Variants in SUPT3H observed in about 807,000 individuals in gnomAD.
SUPT3H encodes transcription initiation protein SPT3 homolog.
In SUPT3H, 44 loss-of-function variants were observed where a neutral mutation model predicts 44.3. The observed-to-expected ratio is 0.99, with a 90% CI of 0.78 to 1.28. The LOEUF (loss-of-function observed/expected upper bound fraction) is 1.28, where lower values mean the gene tolerates loss of function less well. SUPT3H is among the 50% of genes most tolerant of loss of function. SUPT3H has a pLI of 0.00. For missense variants in SUPT3H, 380 were observed against 387.1 expected (o/e 0.98, Z 0.15); for synonymous variants, 124 against 125.6 (o/e 0.99, Z 0.09).
intron 10 of SUPT3H, among the ~76,000 whole-genome samples, chr6:44,860,879 T>C (rs1774538139): frequency 6.6e-6 from 1 of 152,210 alleles, no homozygotes; most frequent in Admixed American, 6.5e-5. Context: ...TTGGGTGATA[T>C]ATATTTTTTT....
intron 2 of SUPT3H, among the ~76,000 whole-genome samples, chr6:45,256,910 T>C (rs1773505182): frequency 1.3e-5 from 2 of 152,208 alleles, no homozygotes; most frequent in East Asian, 1.9e-4. Context: ...CAAGTACAAG[T>C]TTCTGTGCTG....
chr6:44,999,470 C>T (rs1468727183), intron 6 of SUPT3H, among the ~76,000 whole-genome samples: 2 of 151,880 alleles, frequency 1.3e-5, no homozygotes, highest in African/African-American at 4.8e-5. Flanking sequence ...ATATGTACAG[C>T]CATTACATAT....
Position 45,092,613 on chromosome 6 carries a change from G to A in SUPT3H, c.186+13309C>T, listed in dbSNP as rs574718208. ...AAAAATACAAAAACTAGCCAGGCGT[G>A]GTGGCAGGCACCTGTAATCCCAGCT... On this transcript the variant is annotated intron_variant, in intron 3 of 10. Coordinates refer to ENST00000371459, the MANE Select transcript of SUPT3H (RefSeq NM_003599.4). Among the ~76,000 whole-genome samples the A allele has an allele frequency of 3.9e-5, 6 of 152,108 alleles. No individual in the cohort carries two copies. The South Asian group carries it at 1.0e-3, about 26-fold the overall frequency.
At chr6:44,945,317 C>T (rs1287443601) in intron 9 of SUPT3H, among the ~76,000 whole-genome samples, 1 of 152,078 alleles carries the variant, frequency 6.6e-6, no homozygotes, top group East Asian at 1.9e-4. Flanking sequence ...ACAATGGCCC[C>T]TAAGTATTTC....
chr6:44,898,768 C>T (rs965020167), intron 10 of SUPT3H: 19 of 152,254 alleles, frequency 1.2e-4, no homozygotes, highest in Admixed American at 9.8e-4. Flanking sequence ...CAGGAGCAGC[C>T]GGCTCACGCC....
At chr6:45,166,322 C>T (rs1809837607) in intron 2 of SUPT3H, among the ~76,000 whole-genome samples, 1 of 152,028 alleles carries the variant, frequency 6.6e-6, no homozygotes, top group South Asian at 2.1e-4. Context: ...GGTGCGATGG[C>T]TCACACCTGT....
chr6:44,898,355 T>A (rs141128906), intron 10 of SUPT3H, among the ~76,000 whole-genome samples: 22 of 152,306 alleles, frequency 1.4e-4, no homozygotes, highest in African/African-American at 5.1e-4. Flanking sequence ...GTCTCCTGGA[T>A]TGCTTGCTCT....
At chr6:44,972,471 TTGAG>T (rs1373493474) in intron 6 of SUPT3H, among the ~76,000 whole-genome samples, 1 of 152,134 alleles carries the variant, frequency 6.6e-6, no homozygotes, top group African/African-American at 2.4e-5. Context: ...TGGGCTGGTG[TTGAG>T]TATCTGCGGC....
chr6:44,901,209 A>G (rs9968978), intron 10 of SUPT3H, among the ~76,000 whole-genome samples: 71 of 152,376 alleles, frequency 4.7e-4, no homozygotes, highest in African/African-American at 1.7e-3. Context: ...AAGGCTTCAG[A>G]CAATCAAACT....
At chr6:45,146,971 A>G (rs1348878430) in intron 2 of SUPT3H, among the ~76,000 whole-genome samples, 1 of 152,150 alleles carries the variant, frequency 6.6e-6, no homozygotes, top group Non-Finnish European at 1.5e-5. Flanking sequence ...TGAGAACAAC[A>G]AGAATAGGTA....
intron 3 of SUPT3H, among the ~76,000 whole-genome samples, chr6:45,094,078 C>G (rs1797482554): frequency 6.6e-6 from 1 of 152,088 alleles, no homozygotes; most frequent in South Asian, 2.1e-4. Context: ...TTAAGACATG[C>G]AATTCAATCT....
At chr6:45,221,400 T>C (rs912059471) in intron 2 of SUPT3H, among the ~76,000 whole-genome samples, 21 of 152,092 alleles carry the variant, frequency 1.4e-4, no homozygotes, top group Non-Finnish European at 2.6e-4. Flanking sequence ...GTGAAATAGT[T>C]ACAGGATACA....
intron 6 of SUPT3H, among the ~76,000 whole-genome samples, chr6:44,968,495 T>G (rs921718480): frequency 3.3e-5 from 5 of 152,050 alleles, no homozygotes; most frequent in African/African-American, 1.2e-4. Flanking sequence ...CCCCAGTGAG[T>G]GCTCATTCTG....
chr6:45,000,498 T>C (rs1391430221), intron 6 of SUPT3H, among the ~76,000 whole-genome samples: 2 of 151,982 alleles, frequency 1.3e-5, no homozygotes, highest in Non-Finnish European at 2.9e-5. Context: ...GGACTCAAAA[T>C]CTCCAGGCAT....
At chr6:45,297,359 C>T (rs888922206) in intron 2 of SUPT3H, among the ~76,000 whole-genome samples, 1 of 152,196 alleles carries the variant, frequency 6.6e-6, no homozygotes, top group Non-Finnish European at 1.5e-5. Flanking sequence ...AGTACTGTCT[C>T]ATAGGCATAA....
chr6:45,093,382 G>A (rs190491463), intron 3 of SUPT3H, among the ~76,000 whole-genome samples: 2 of 152,056 alleles, frequency 1.3e-5, no homozygotes, highest in African/African-American at 4.8e-5. Flanking sequence ...CTCACACATA[G>A]TAGATGTTTA....
At chr6:45,205,796 C>CA (rs1156853416) in intron 2 of SUPT3H, among the ~76,000 whole-genome samples, 16 of 138,828 alleles carry the variant, frequency 1.2e-4, no homozygotes, top group Admixed American at 2.1e-4. Context: ...GACTCTGTCT[C>CA]AAAAAAAACA....
intron 9 of SUPT3H, among the ~76,000 whole-genome samples, chr6:44,935,734 T>C (rs1771295614): frequency 6.6e-6 from 1 of 152,208 alleles, no homozygotes; most frequent in African/African-American, 2.4e-5. Flanking sequence ...TTCTACATAT[T>C]TTCCGGATTT....
At chr6:45,230,569 A>ATCCCTTCCG (rs1322270404) in intron 2 of SUPT3H, among the ~76,000 whole-genome samples, 5 of 145,988 alleles carry the variant, frequency 3.4e-5, no homozygotes, top group African/African-American at 1.3e-4. Context: ...ATCCTTATCC[A>ATCCCTTCCG]TCCCTTTACT....
Sources: gnomAD v4.1 joint callset for allele counts (sites outside exome capture counted in the v4.1 genomes callset) on GRCh38, gnomAD v4.1.1 for gene constraint, MANE v1.5 for transcripts, NCBI Gene and HGNC (gene_info 2026-07-23, HGNC 2026-07-21) for gene names.